The following TAFA1 variants were observed in gnomAD, a reference collection of about 807,000 sequenced individuals.
The protein encoded by TAFA1 is chemokine-like protein TAFA-1.
TAFA1 carries 4 observed loss-of-function variants against 18.5 expected under a neutral mutation model. That is an observed-to-expected ratio of 0.22 (90% CI 0.11 to 0.49). The LOEUF (loss-of-function observed/expected upper bound fraction) is 0.49. Ranked by LOEUF, TAFA1 falls within the 20% of genes least tolerant of loss-of-function variation. The pLI, the probability that TAFA1 is intolerant of heterozygous loss-of-function variation, is 0.98. For missense variants in TAFA1, 147 were observed against 169.0 expected (o/e 0.87, Z 0.72); for synonymous variants, 56 against 55.2 (o/e 1.01, Z -0.06).
At chr3:68,107,257 A>G (rs573840383) in intron 2 of TAFA1, among the ~76,000 whole-genome samples, 2 of 152,266 alleles carry the variant, frequency 1.3e-5, no homozygotes, top group South Asian at 4.1e-4. Flanking sequence ...TTAAATGTCT[A>G]CCAGTAAAGT....
chr3:68,182,605 C>T (rs949153090), intron 2 of TAFA1, among the ~76,000 whole-genome samples: 1 of 152,068 alleles, frequency 6.6e-6, no homozygotes, highest in Non-Finnish European at 1.5e-5. Context: ...TTAACATGAA[C>T]AACATCCAAC....
At chr3:68,094,212 C>CT (rs774931696) in intron 2 of TAFA1, among the ~76,000 whole-genome samples, 11 of 152,070 alleles carry the variant, frequency 7.2e-5, no homozygotes, top group Non-Finnish European at 1.3e-4. Context: ...TAAAAAAACT[C>CT]TAATTCCATC....
Position 68,437,190 on chromosome 3 carries a change from CAA to C in TAFA1, c.259+19772_259+19773del, listed in dbSNP as rs1430535317. 2.0e-5 allele frequency among the ~76,000 whole-genome samples: 3 copies of C among 152,172 alleles called. No individual in the cohort carries two copies. In the East Asian group the frequency reaches 5.8e-4, roughly 29 times the overall value. On this transcript the variant is annotated intron_variant, in intron 3 of 4. Transcript: ENST00000478136. ...GCTGTAAGCCTTCTAACAGGCAATG[CAA>C]AGAGGGAAACAAGATTGGTTACAAG...
At chr3:68,506,487 A>ACACACACACG (rs1214030486) in intron 3 of TAFA1, among the ~76,000 whole-genome samples, 1 of 151,884 alleles carries the variant, frequency 6.6e-6, no homozygotes, top group Non-Finnish European at 1.5e-5. Flanking sequence ...ACACACACAC[A>ACACACACACG]CAGAGCAAAT....
intron 3 of TAFA1, 125 bp from the exon 4 acceptor site, chr3:68,538,631 G>A: frequency 1.2e-6 from 1 of 849,298 alleles, no homozygotes; most frequent in Non-Finnish European, 1.9e-6. Flanking sequence ...TTCTTAGCTA[G>A]TCATGGAGGA....
intron 3 of TAFA1, among the ~76,000 whole-genome samples, chr3:68,474,833 G>A (rs945925296): frequency 2.0e-5 from 3 of 152,178 alleles, no homozygotes; most frequent in Non-Finnish European, 2.9e-5. Context: ...CAAGAGAGAA[G>A]CAATGAAAAT....
intron 2 of TAFA1, among the ~76,000 whole-genome samples, chr3:68,207,198 T>C (rs919687721): frequency 7.2e-5 from 11 of 151,870 alleles, no homozygotes; most frequent in South Asian, 2.1e-4. Flanking sequence ...TTGACTAATA[T>C]GGAGTGACAT....
intron 2 of TAFA1, among the ~76,000 whole-genome samples, chr3:68,295,118 T>A (rs781675213): frequency 6.6e-6 from 1 of 152,198 alleles, no homozygotes; most frequent in Non-Finnish European, 1.5e-5. Context: ...CCCTAACAGT[T>A]GAATGAGATA....
At chr3:68,211,209 G>A (rs890119819) in intron 2 of TAFA1, among the ~76,000 whole-genome samples, 2 of 151,926 alleles carry the variant, frequency 1.3e-5, no homozygotes, top group African/African-American at 4.8e-5. Context: ...TTCAGTGTGG[G>A]GGAAGACTGC....
chr3:68,217,553 G>A (rs920369081), intron 2 of TAFA1, among the ~76,000 whole-genome samples: 9 of 151,912 alleles, frequency 5.9e-5, no homozygotes, highest in Non-Finnish European at 2.9e-5. Flanking sequence ...TCTGAATAAA[G>A]CATGGACTTT....
At chr3:68,542,515 T>A (rs2073393970) in intron 4 of TAFA1, among the ~76,000 whole-genome samples, 1 of 152,142 alleles carries the variant, frequency 6.6e-6, no homozygotes, top group South Asian at 2.1e-4. Context: ...ATACCTTTTA[T>A]ATTCAGGAAC....
intron 3 of TAFA1, among the ~76,000 whole-genome samples, chr3:68,432,313 G>T (rs1445249595): frequency 6.6e-6 from 1 of 151,864 alleles, no homozygotes; most frequent in Non-Finnish European, 1.5e-5. Context: ...AAAGAATATA[G>T]CATGGAAGAG....
chr3:68,428,182 A>G (rs1161721705), intron 3 of TAFA1, among the ~76,000 whole-genome samples: 1 of 151,868 alleles, frequency 6.6e-6, no homozygotes, highest in Non-Finnish European at 1.5e-5. Flanking sequence ...GAGCAGAGGG[A>G]GAGGAGGAAG....
At chr3:68,439,611 C>T (rs1240413391) in intron 3 of TAFA1, among the ~76,000 whole-genome samples, 1 of 151,426 alleles carries the variant, frequency 6.6e-6, no homozygotes, top group Non-Finnish European at 1.5e-5. Context: ...GGCTGGAAGG[C>T]TAAACCAGTC....
intron 3 of TAFA1, among the ~76,000 whole-genome samples, chr3:68,522,370 G>C (rs13094511): frequency 6.6e-6 from 1 of 152,124 alleles, no homozygotes; most frequent in African/African-American, 2.4e-5. Flanking sequence ...AGTGGAAGGA[G>C]AGCAGTTCCA....
chr3:68,227,647 G>A (rs1184945807), intron 2 of TAFA1, among the ~76,000 whole-genome samples: 2 of 152,162 alleles, frequency 1.3e-5, no homozygotes, highest in African/African-American at 4.8e-5. Context: ...AATAGAAGAT[G>A]GAAAATATAA....
chr3:68,185,944 A>C (rs562378447), intron 2 of TAFA1, among the ~76,000 whole-genome samples: 3 of 152,062 alleles, frequency 2.0e-5, no homozygotes, highest in Non-Finnish European at 4.4e-5. Context: ...TAGGAAACAA[A>C]ATGAATTTGA....
chr3:68,527,309 A>G (rs1450032900), intron 3 of TAFA1, among the ~76,000 whole-genome samples: 1 of 152,132 alleles, frequency 6.6e-6, no homozygotes, highest in Non-Finnish European at 1.5e-5. Flanking sequence ...CTTGAGTTGC[A>G]AAAGGTCTCT....
At chr3:68,180,378 T>G (rs2066182201) in intron 2 of TAFA1, among the ~76,000 whole-genome samples, 1 of 152,028 alleles carries the variant, frequency 6.6e-6, no homozygotes, top group African/African-American at 2.4e-5. Context: ...TTGAGCTGGG[T>G]TTTCAGATTG....
Sources: allele counts gnomAD v4.1 joint callset (sites outside exome capture counted in the v4.1 genomes callset), GRCh38; gene constraint gnomAD v4.1.1; transcripts MANE v1.5; gene names NCBI Gene and HGNC (gene_info 2026-07-23, HGNC 2026-07-21).